JMJD1C: variants seen among roughly 807,000 people sequenced by gnomAD.
JMJD1C encodes jumonji domain containing 1C.
Under a neutral mutation model 245.3 loss-of-function variants are expected in JMJD1C, and 31 were observed. The ratio of observed to expected loss-of-function variants is 0.13; its 90% confidence interval spans 0.09 to 0.17. The LOEUF (loss-of-function observed/expected upper bound fraction) is 0.17, where lower values mean the gene tolerates loss of function less well. Among genes scored for constraint, JMJD1C ranks in the 10% least tolerant of loss-of-function variants. The pLI, the probability that JMJD1C is intolerant of heterozygous loss-of-function variation, is 1.00. For missense variants in JMJD1C, 2,691 were observed against 3,000.2 expected, an observed-to-expected ratio of 0.90 and a Z score of 2.41; for synonymous variants, 1,057 against 1,017.4, an observed-to-expected ratio of 1.04 and a Z score of -0.74.
intron 1 of JMJD1C, among the ~76,000 whole-genome samples, chr10:63,483,581 C>T (rs994617522): frequency 6.6e-6 from 1 of 152,194 alleles, no homozygotes; most frequent in African/African-American, 2.4e-5. Context: ...TTGTTTATAA[C>T]AAAGTAGCAT....
At chr10:63,427,895 C>A (rs1950532932) in intron 1 of JMJD1C, 2 of 750,260 alleles carry the variant, frequency 2.7e-6, no homozygotes, top group African/African-American at 1.7e-5. Context: ...ACAGAGAAGG[C>A]AAGGACCTCA....
intron 4 of JMJD1C, 84 bp downstream of exon 4, chr10:63,219,794 T>C: frequency 1.2e-6 from 1 of 851,658 alleles, no homozygotes. Context: ...TCTATTTATA[T>C]TGCACACAAT....
At chr10:63,168,743 A>G (rs537441321) in intron 24 of JMJD1C, among the ~76,000 whole-genome samples, 177 bp from the exon 25 acceptor site, 21 of 152,354 alleles carry the variant, frequency 1.4e-4, no homozygotes, top group African/African-American at 4.8e-4. Context: ...TATGTCACTG[A>G]AAAGCTTCAT....
At chr10:63,357,492 G>C (rs1029546158) in intron 2 of JMJD1C, among the ~76,000 whole-genome samples, 5 of 151,896 alleles carry the variant, frequency 3.3e-5, no homozygotes, top group African/African-American at 7.3e-5. Context: ...TTTTAGTAGA[G>C]ACGGGGTTTC....
intron 2 of JMJD1C, among the ~76,000 whole-genome samples, chr10:63,378,156 C>A (rs1345728332): frequency 5.3e-5 from 8 of 151,676 alleles, no homozygotes; most frequent in Non-Finnish European, 8.8e-5. Flanking sequence ...AATTTCAAGG[C>A]TAAGAGGTTT....
chr10:63,408,773 A>G (rs969356644), intron 1 of JMJD1C, among the ~76,000 whole-genome samples: 4 of 152,070 alleles, frequency 2.6e-5, no homozygotes, highest in African/African-American at 9.7e-5. Flanking sequence ...AAACTAAGAC[A>G]AGAAATCCAC....
intron 2 of JMJD1C, among the ~76,000 whole-genome samples, chr10:63,295,601 GT>G (rs1225822696): frequency 6.6e-6 from 1 of 152,020 alleles, no homozygotes; most frequent in East Asian, 1.9e-4. Context: ...TTATGAGCAA[GT>G]TTCATTTCAA....
intron 1 of JMJD1C, among the ~76,000 whole-genome samples, chr10:63,424,941 T>C (rs550609449): frequency 6.6e-6 from 1 of 152,234 alleles, no homozygotes; most frequent in Admixed American, 6.5e-5. Flanking sequence ...CCGCCACTAT[T>C]TCTCATGCTG....
At chr10:63,331,162 C>T (rs529590559) in intron 2 of JMJD1C, among the ~76,000 whole-genome samples, 1 of 152,092 alleles carries the variant, frequency 6.6e-6, no homozygotes, top group East Asian at 1.9e-4. Context: ...TTTTTTCTCT[C>T]CTTCATTTCT....
chr10:63,325,993 G>T (rs1341194837), intron 2 of JMJD1C, among the ~76,000 whole-genome samples: 1 of 152,018 alleles, frequency 6.6e-6, no homozygotes, highest in Admixed American at 6.6e-5. Context: ...TATTTTAAAT[G>T]ACAACAGCAA....
chr10:63,414,482 T>C (rs968740874), intron 1 of JMJD1C, among the ~76,000 whole-genome samples: 2 of 152,138 alleles, frequency 1.3e-5, no homozygotes, highest in African/African-American at 4.8e-5. Flanking sequence ...CCCGTAATTT[T>C]CTCAACTCTC....
chr10:63,221,776 C>A (rs1848627036), intron 3 of JMJD1C, among the ~76,000 whole-genome samples: 1 of 152,226 alleles, frequency 6.6e-6, no homozygotes, highest in Non-Finnish European at 1.5e-5. Flanking sequence ...GGCTGGAGTG[C>A]AATGGCACGA....
At chr10:63,364,516 T>C (rs1250767660) in intron 2 of JMJD1C, among the ~76,000 whole-genome samples, 1 of 152,170 alleles carries the variant, frequency 6.6e-6, no homozygotes, top group Non-Finnish European at 1.5e-5. Context: ...TGTTTGTTTT[T>C]TGAGACAGGC....
In JMJD1C at chr10:63,213,914, T is replaced by G. The variant is rs759926416; in HGVS notation, c.2253A>C (p.Pro751=). ...GAGTTAAGGCAGGATGATGGGTACC[T>G]GGATTTAAACAGGTTCTATGAGATG... ...HSSSHRTCLN[P]GTHHPALTPA... The change falls in exon 8 of 26, where the codon CCA becomes CCC. Residue 751 remains proline, a synonymous_variant. Transcript: ENST00000399262. The G allele has an allele frequency of 4.3e-6, 7 of 1,614,046 alleles. No homozygotes were observed. In the African/African-American group the frequency reaches 9.3e-5, roughly 22 times the overall value.
chr10:63,438,573 A>G (rs1418295700), intron 1 of JMJD1C, among the ~76,000 whole-genome samples: 2 of 152,086 alleles, frequency 1.3e-5, no homozygotes, highest in Admixed American at 6.5e-5. Flanking sequence ...AAAATGTTCT[A>G]TAAGGTCCTT....
At chr10:63,440,174 A>C (rs944468056) in intron 1 of JMJD1C, among the ~76,000 whole-genome samples, 2 of 152,098 alleles carry the variant, frequency 1.3e-5, no homozygotes, top group South Asian at 4.1e-4. Flanking sequence ...ATCTCCACTA[A>C]AAATACAAAA....
intron 2 of JMJD1C, among the ~76,000 whole-genome samples, chr10:63,267,765 A>T (rs530252739): frequency 6.6e-6 from 1 of 152,294 alleles, no homozygotes; most frequent in East Asian, 1.9e-4. Flanking sequence ...AAGGTCATTT[A>T]TCAGTGTTAA....
In JMJD1C at chr10:63,241,736, T is replaced by C. The variant is rs144731762; in HGVS notation, c.448-21753A>G. 3.7e-3 allele frequency among the ~76,000 whole-genome samples: 558 copies of C among 152,320 alleles called. 2 individuals carry two copies. The highest frequency in any genetic ancestry group is 0.013 in the African/African-American group (525 of 41,576). ...TCTCCATAGTACTACTGTCTTCTAA[T>C]ATGCTAAACAGTTATTTTGTTTGCC... On this transcript the variant is annotated intron_variant, in intron 3 of 25. Coordinates refer to ENST00000399262, the MANE Select transcript of JMJD1C (RefSeq NM_032776.3).
chr10:63,361,725 A>G lies in JMJD1C; in HGVS notation c.333+18593T>C, dbSNP rs12358789. On this transcript the variant is annotated intron_variant, in intron 2 of 25. Coordinates refer to ENST00000399262, the MANE Select transcript of JMJD1C (RefSeq NM_032776.3). ...AGAACAATACTGTCTCAACTAAAAA[A>G]AAAAAAAAAAAAAAAAAAAAAAGAA... Among the ~76,000 whole-genome samples the G allele has an allele frequency of 1.0e-3, 46 of 45,538 alleles. 1 individual carries two copies. The highest frequency in any genetic ancestry group is 1.6e-3 in the Non-Finnish European group (27 of 17,376). The allele number at this position is 45,538 out of a possible 152,430, so 29.9% of individuals were successfully genotyped here.
Sources: gnomAD v4.1 joint callset for allele counts (sites outside exome capture counted in the v4.1 genomes callset) on GRCh38, gnomAD v4.1.1 for gene constraint, MANE v1.5 for transcripts, NCBI Gene and HGNC (gene_info 2026-07-23, HGNC 2026-07-21) for gene names.